Variants in KRT76 observed in about 807,000 individuals in gnomAD.
KRT76 encodes the protein keratin 76.
A neutral mutation model predicts 44.9 loss-of-function variants in KRT76; 47 were observed. The ratio of observed to expected loss-of-function variants is 1.05; its 90% CI spans 0.83 to 1.33. The LOEUF (loss-of-function observed/expected upper bound fraction) is 1.33. Ranked by LOEUF, KRT76 falls within the 40% of genes most tolerant of loss-of-function variation. The probability of loss-of-function intolerance (pLI) is 0.00; values close to 1 mark genes in which losing one functional copy is unlikely to be tolerated. For synonymous variants in KRT76, 331 were observed against 294.1 expected, an observed-to-expected ratio of 1.13 and a Z score of -1.28; for missense variants, 860 against 775.8, an observed-to-expected ratio of 1.11 and a Z score of -1.29.
chr12:52,768,984 T>G lies in KRT76; in HGVS notation c.1646A>C (p.Tyr549Ser). ...ACTGCCGCTGCCGCCACTGACTCCA[T>G]AGCCACTGCTGCTGCTGCTGCTGCT... is the stretch of plus-strand genomic sequence containing the variant. ...GGSSSSSSSGYGVSGGSGSGY... is the reference protein window; with the variant it reads ...GGSSSSSSSGSGVSGGSGSGY... Residue 549 changes from tyrosine (Y) to serine (S), a missense_variant, in exon 9 of 9, where the codon TAT becomes TCT. Physicochemically the swap from Tyr to Ser is moderately radical, Grantham distance 144 (BLOSUM62 -2). Coordinates refer to ENST00000332411, the MANE Select transcript of KRT76 (RefSeq NM_015848.4). 1.9e-6 allele frequency: 2 copies of G among 1,079,924 alleles called. No individual in the cohort carries two copies. The highest frequency in any genetic ancestry group is 2.8e-6 in the Non-Finnish European group (2 of 714,880). 66.9% of individuals were successfully genotyped at this position (1,079,924 alleles called of 1,614,324 possible). A position where few individuals can be genotyped will look rare whatever the true frequency, so the allele number is the denominator to read the frequency against.
At chr12:52,769,474 A>G (rs904005139) in intron 8 of KRT76, 75 bp downstream of exon 8, 5 of 1,294,018 alleles carry the variant, frequency 3.9e-6, no homozygotes, top group Admixed American at 1.7e-5. Context: ...TTCTTGCCTG[A>G]AGGTCAGTCA....
chr12:52,772,058 G>A (rs749391067), intron 5 of KRT76, 36 bp downstream of exon 5: 1 of 1,607,258 alleles, frequency 6.2e-7, no homozygotes, highest in South Asian at 1.1e-5. Context: ...CTCAATGAAG[G>A]TCATCAGGAT....
rs777762141 is a variant in KRT76 at position 52,776,716 on chromosome 12, G to A, written c.576C>T (p.Asn192=). 4 of 1,614,128 alleles carry A rather than the reference G, an allele frequency of 2.5e-6. No homozygotes were observed. Among genetic ancestry groups the A allele is most frequent in the Non-Finnish European group, 2.5e-6 (3 of 1,180,048 alleles). ...QEREQIKTLN[N]KFASFIDKVR... is the part of the protein sequence containing the mutation. ...CCTTGTCGATGAAGGAGGCAAACTT[G>A]TTGTTGAGGGTCTTGATCTGTTCCC... Residue 192 remains asparagine, a synonymous_variant, in exon 1 of 9, where the codon AAC becomes AAT. Transcript: ENST00000332411.
chr12:52,768,916 T>C lies in KRT76; in HGVS notation c.1714A>G (p.Ser572Gly), dbSNP rs1319532532. 3 of 1,598,390 alleles carry C rather than the reference T, an allele frequency of 1.9e-6. No homozygotes were observed. The African/African-American group carries it at 4.0e-5, about 21-fold the overall frequency. The change falls in exon 9 of 9, where the codon AGC becomes GGC. Residue 572 changes from serine to glycine, a missense_variant. By Grantham distance (56) the Ser-to-Gly change is moderately conservative (BLOSUM62 0). Coordinates refer to ENST00000332411, the MANE Select transcript of KRT76 (RefSeq NM_015848.4). ...CTGCTGCTCTGGTAGCTCCCGCTGC[T>C]ACCCCTGCCCCCAGTGCTGCCACTG... ...VSSGSTGGRG[S>G]SGSYQSSSSG... is the part of the protein sequence containing the mutation.
rs1282421465 is a variant in KRT76 at position 52,777,043 on chromosome 12, TC to T, written c.248del (p.Gly83GlufsTer30). The T allele has an allele frequency of 3.1e-6, 5 of 1,613,834 alleles. No homozygotes were observed. Among genetic ancestry groups the T allele is most frequent in the South Asian group, 2.2e-5 (2 of 91,062 alleles). On this transcript the variant is annotated frameshift_variant, in exon 1 of 9. Coordinates refer to ENST00000332411, the MANE Select transcript of KRT76 (RefSeq NM_015848.4). LOFTEE classifies it high-confidence loss of function. ...AGSSRAGGFG[G>X]GRSSCGFAGG... The stretch of plus-strand genomic sequence containing the variant: ...CTGCAAAGCCACAGCTGCTCCGCCC[TC>T]CCCCAAAGCCTCCAGCCCGGGAGCT...
Position 52,768,994 on chromosome 12 carries a change from T to C in KRT76, c.1636A>G (p.Ser546Gly), listed in dbSNP as rs1357426828. 1 of 915,360 alleles carries C rather than the reference T, an allele frequency of 1.1e-6. No homozygotes were observed. The highest frequency in any genetic ancestry group is 1.8e-6 in the Non-Finnish European group (1 of 566,318). 56.7% of individuals were successfully genotyped at this position (915,360 alleles called of 1,614,324 possible). Residue 546 changes from serine (S) to glycine (G), a missense_variant, in exon 9 of 9, where the codon AGC becomes GGC. Ser to Gly is a moderately conservative substitution (Grantham distance 56, BLOSUM62 0). Coordinates refer to ENST00000332411, the MANE Select transcript of KRT76 (RefSeq NM_015848.4). Reference protein sequence around the residue: ...GYKGGSSSSSSSGYGVSGGSG... With the variant: ...GYKGGSSSSSGSGYGVSGGSG... ...CCGCCACTGACTCCATAGCCACTGC[T>C]GCTGCTGCTGCTGCTGCCGCCTTTG...
At chr12:52,775,672 T>C in intron 1 of KRT76, 70 bp from the exon 2 acceptor site, 1 of 1,246,104 alleles carries the variant, frequency 8.0e-7, no homozygotes, top group Non-Finnish European at 1.1e-6. Context: ...ATCCCAAATG[T>C]AGAACTGTGG....
Position 52,775,400 on chromosome 12 carries a change from T to C in KRT76, c.803A>G (p.Asp268Gly), listed in dbSNP as rs149569624. 5.2e-4 allele frequency: 833 copies of C among 1,614,140 alleles called. 4 individuals are homozygous for C. The African/African-American group carries it at 1.0e-2, about 19-fold the overall frequency. ...GAGGAGCCCTCACTTCTTTTTGAAG[T>C]CTTCCACCAGGTCCTGCATGCTTTT... ...ELKSMQDLVE[D>G]FKKKYEDEIN... The change falls in exon 2 of 9, where the codon GAC becomes GGC. Residue 268 changes from aspartate (D) to glycine (G), a missense_variant. By Grantham distance (94) the Asp-to-Gly change is moderately conservative. Transcript: ENST00000332411.
chr12:52,775,711 T>G, intron 1 of KRT76, 109 bp from the exon 2 acceptor site: 1 of 792,224 alleles, frequency 1.3e-6, no homozygotes, highest in Non-Finnish European at 2.0e-6. Context: ...CAATCTACAA[T>G]TTCCCCTGTT....
intron 2 of KRT76, 135 bp from the exon 3 acceptor site, chr12:52,773,777 T>G: frequency 1.8e-6 from 1 of 557,640 alleles, no homozygotes; most frequent in South Asian, 2.9e-5. Flanking sequence ...CACAGGACCC[T>G]GGGCTCAGGG....
At position 52,775,445 on chromosome 12, in the gene KRT76, C is replaced by T. The variant is rs776824000; in HGVS notation, c.758G>A (p.Gly253Glu). ...GCTTTTCAGCTCTCCCTCCAGGTTC[C>T]CCCTCTCCCCTAGAAGTGAATCTAG... The part of the protein sequence containing the change: ...KQLDSLLGER[G>E]NLEGELKSMQ... The change falls in exon 2 of 9, where the codon GGG becomes GAG. Residue 253 changes from glycine to glutamate, a missense_variant. Coordinates refer to ENST00000332411, the MANE Select transcript of KRT76 (RefSeq NM_015848.4). 8.1e-6 allele frequency: 13 copies of T among 1,614,158 alleles called. No homozygotes were observed. The highest frequency in any genetic ancestry group is 1.1e-5 in the Non-Finnish European group (13 of 1,180,006).
intron 4 of KRT76, 70 bp from the exon 5 acceptor site, chr12:52,772,328 G>A (rs148833741): frequency 3.3e-5 from 47 of 1,443,330 alleles, no homozygotes; most frequent in East Asian, 1.2e-4. Context: ...CTCTACTAGC[G>A]GAGATATCCC....
chr12:52,775,661 C>T (rs1468013643), intron 1 of KRT76, 59 bp from the exon 2 acceptor site: 1 of 1,379,616 alleles, frequency 7.2e-7, no homozygotes, highest in East Asian at 2.3e-5. Flanking sequence ...TGGGGCTGCC[C>T]ATCCCAAATG....
At chr12:52,775,220 T>A (rs1939241899) in intron 2 of KRT76, among the ~76,000 whole-genome samples, 168 bp downstream of exon 2, 1 of 151,800 alleles carries the variant, frequency 6.6e-6, no homozygotes. Context: ...CACATGGGAG[T>A]CTCAGTCCCC....
chr12:52,773,094 C>G (rs1283662371), intron 3 of KRT76, among the ~76,000 whole-genome samples: 1 of 152,138 alleles, frequency 6.6e-6, no homozygotes, highest in Non-Finnish European at 1.5e-5. Flanking sequence ...AAAATACAAA[C>G]CATAAGGCAC....
rs763218910 is a variant in KRT76 at position 52,776,822 on chromosome 12, T to C, written c.470A>G (p.Glu157Gly). 1.2e-6 allele frequency: 2 copies of C among 1,613,852 alleles called. No individual in the cohort carries two copies. Among genetic ancestry groups the C allele is most frequent in the African/African-American group, 2.7e-5 (2 of 74,834 alleles). ...CAGGAGACTCTGGTTTACAATCACT[T>C]CCTGAATTCCCCCAGGAAAGCCCCC... ...GPGGFPGGIQ[E>G]VIVNQSLLQP... The change falls in exon 1 of 9, where the codon GAA (glutamate) becomes GGA (glycine). Residue 157 changes from glutamate (E) to glycine (G), a missense_variant. By Grantham distance (98) the Glu-to-Gly change is moderately conservative. Coordinates refer to ENST00000332411, the MANE Select transcript of KRT76 (RefSeq NM_015848.4).
At position 52,776,709 on chromosome 12, in the gene KRT76, C is replaced by A. The variant is rs1355656071; in HGVS notation, c.583G>T (p.Ala195Ser). 1.9e-6 allele frequency: 3 copies of A among 1,614,150 alleles called. No individual in the cohort carries two copies. Among genetic ancestry groups the A allele is most frequent in the Non-Finnish European group, 8.5e-7 (1 of 1,180,032 alleles). Residue 195 changes from alanine to serine, a missense_variant, in exon 1 of 9, where the codon GCC (alanine) becomes TCC (serine). Physicochemically the swap from Ala to Ser is moderately conservative, Grantham distance 99. Transcript: ENST00000332411. ...EQIKTLNNKF[A>S]SFIDKVRFLE... is the part of the protein sequence containing the mutation. ...GCCCTCACCTTGTCGATGAAGGAGG[C>A]AAACTTGTTGTTGAGGGTCTTGATC...
rs368165124 is a variant in KRT76 at position 52,776,271 on chromosome 12, C to T, written c.600+421G>A. Among the ~76,000 whole-genome samples, 7 of 152,290 alleles carry T rather than the reference C, an allele frequency of 4.6e-5. No homozygotes were observed. The East Asian group carries it at 1.2e-3, about 25-fold the overall frequency. On this transcript the variant is annotated intron_variant, in intron 1 of 8. Transcript: ENST00000332411. ...CATCATCTGGAAGGTAAGGCAGCTG[C>T]CAATGCACCTCATTTAGATGCAGCC...
Position 52,775,462 on chromosome 12 carries a change from T to C in KRT76, c.741A>G (p.Ser247=). ...YISFLCKQLD[S]LLGERGNLEG... ...CCAGGTTCCCCCTCTCCCCTAGAAG[T>C]GAATCTAGCTGCTTGCATAGGAAGC... Residue 247 remains serine, a synonymous_variant, in exon 2 of 9, where the codon TCA becomes TCG. Coordinates refer to ENST00000332411, the MANE Select transcript of KRT76 (RefSeq NM_015848.4). The C allele has an allele frequency of 6.2e-7, 1 of 1,614,202 alleles. No individual in the cohort carries two copies. Among genetic ancestry groups the C allele is most frequent in the Non-Finnish European group, 8.5e-7 (1 of 1,180,022 alleles).
Sources: allele counts gnomAD v4.1 joint callset (sites outside exome capture counted in the v4.1 genomes callset), GRCh38; gene constraint gnomAD v4.1.1; transcripts MANE v1.5; gene names NCBI Gene and HGNC (gene_info 2026-07-23, HGNC 2026-07-21).